DIAPH3: variants seen among roughly 807,000 people sequenced by gnomAD.
DIAPH3 encodes protein diaphanous homolog 3.
In DIAPH3, 117 loss-of-function variants were observed where a neutral mutation model predicts 144.3. The ratio of observed to expected loss-of-function variants is 0.81; its 90% confidence interval spans 0.70 to 0.95. The LOEUF is 0.95. Among genes scored for constraint, DIAPH3 ranks in the 40% least tolerant of loss-of-function variants. The pLI is 0.00. For synonymous variants in DIAPH3, 519 were observed against 488.9 expected, an observed-to-expected ratio of 1.06 and a Z score of -0.81; for missense variants, 1,421 against 1,412.7, an observed-to-expected ratio of 1.01 and a Z score of -0.09.
intron 5 of DIAPH3, among the ~76,000 whole-genome samples, chr13:60,040,771 T>C (rs895012841): frequency 6.6e-6 from 1 of 152,060 alleles, no homozygotes; most frequent in Non-Finnish European, 1.5e-5. Flanking sequence ...ACGATGTGAA[T>C]CTGCTTTGTT....
chr13:60,149,921 G>A (rs1951707150), intron 1 of DIAPH3, among the ~76,000 whole-genome samples: 1 of 152,120 alleles, frequency 6.6e-6, no homozygotes, highest in Non-Finnish European at 1.5e-5. Flanking sequence ...TGGTGGGGAG[G>A]GGGACCTTAA....
chr13:59,827,101 C>T (rs1321925383), intron 24 of DIAPH3, among the ~76,000 whole-genome samples: 1 of 152,130 alleles, frequency 6.6e-6, no homozygotes, highest in African/African-American at 2.4e-5. Flanking sequence ...CTAGGCATTA[C>T]CATTCACGAC....
chr13:60,150,826 T>G (rs781108274), intron 1 of DIAPH3, among the ~76,000 whole-genome samples: 1 of 152,032 alleles, frequency 6.6e-6, no homozygotes. Context: ...CTACCTTATG[T>G]GAGGTGTGAG....
chr13:59,803,857 C>A (rs2040063567), intron 25 of DIAPH3, among the ~76,000 whole-genome samples: 1 of 152,154 alleles, frequency 6.6e-6, no homozygotes, highest in South Asian at 2.1e-4. Context: ...AATTTCCCAC[C>A]AGACATTGCT....
At chr13:59,889,824 T>A (rs986250181) in intron 20 of DIAPH3, among the ~76,000 whole-genome samples, 1 of 151,882 alleles carries the variant, frequency 6.6e-6, no homozygotes, top group Admixed American at 6.6e-5. Context: ...TGTAGCTCTC[T>A]GGAAAGTAAG....
intron 12 of DIAPH3, among the ~76,000 whole-genome samples, chr13:59,988,494 TTCATCTATAA>T (rs2051583131): frequency 6.6e-6 from 1 of 151,864 alleles, no homozygotes; most frequent in African/African-American, 2.4e-5. Flanking sequence ...CAATTATGAG[TTCATCTATAA>T]TGTGGCTGAA....
At chr13:59,746,365 A>C (rs2036703587) in intron 27 of DIAPH3, among the ~76,000 whole-genome samples, 1 of 151,496 alleles carries the variant, frequency 6.6e-6, no homozygotes. Context: ...CTGAGATTAC[A>C]GCTGTGCGCC....
chr13:59,876,110 T>C (rs2044611099), intron 21 of DIAPH3, among the ~76,000 whole-genome samples: 1 of 152,204 alleles, frequency 6.6e-6, no homozygotes, highest in Non-Finnish European at 1.5e-5. Flanking sequence ...ATTAAAATAC[T>C]TCCTTGTCTT....
chr13:60,059,690 T>TG (rs2056691308), intron 4 of DIAPH3, among the ~76,000 whole-genome samples: 1 of 151,310 alleles, frequency 6.6e-6, no homozygotes, highest in East Asian at 2.0e-4. Flanking sequence ...AGCTCAAAGT[T>TG]GGGGGGTGGG....
chr13:60,106,823 AT>A (rs2058432854), intron 3 of DIAPH3, among the ~76,000 whole-genome samples: 2 of 152,188 alleles, frequency 1.3e-5, no homozygotes, highest in African/African-American at 4.8e-5. Flanking sequence ...AGTATGAGAT[AT>A]GCTGTTTACA....
intron 12 of DIAPH3, among the ~76,000 whole-genome samples, chr13:59,989,240 G>A (rs1057361106): frequency 1.3e-5 from 2 of 151,316 alleles, no homozygotes; most frequent in African/African-American, 2.4e-5. Flanking sequence ...ACTCATAGAC[G>A]TGTACACCAA....
intron 4 of DIAPH3, among the ~76,000 whole-genome samples, chr13:60,062,215 A>G (rs1192483212): frequency 6.6e-6 from 1 of 152,226 alleles, no homozygotes; most frequent in African/African-American, 2.4e-5. Context: ...AACATTTTAA[A>G]AAATTTTTGT....
chr13:59,817,614 T>C lies in DIAPH3; in HGVS notation c.3028-6691A>G, dbSNP rs890322192. On this transcript the variant is annotated intron_variant, in intron 24 of 27. Transcript: ENST00000400324. ...ACCAGATTTTATTTTTTATACGATA[T>C]TACAGTCCTTTAAAAAATTTATTGT... 2.0e-5 allele frequency among the ~76,000 whole-genome samples: 3 copies of C among 151,960 alleles called. 1 individual carries two copies. The highest frequency in any genetic ancestry group is 4.4e-5 in the Non-Finnish European group (3 of 67,854).
intron 1 of DIAPH3, among the ~76,000 whole-genome samples, chr13:60,161,107 G>A (rs559955462): frequency 3.9e-5 from 6 of 152,270 alleles, no homozygotes; most frequent in African/African-American, 1.4e-4. Flanking sequence ...GCAGAAGTGT[G>A]CAAAACACTG....
Position 59,813,141 on chromosome 13 carries a change from TA to T in DIAPH3, c.3028-2219del, listed in dbSNP as rs761714899. ...CTGTGGGAGTACGGGCGCAGAAACC[TA>T]AAAAAAAAAAAAAGTTTAATCTGGC... On this transcript the variant is annotated intron_variant, in intron 24 of 27. Transcript: ENST00000400324. Among the ~76,000 whole-genome samples, 840 of 135,800 alleles carry T rather than the reference TA, an allele frequency of 6.2e-3. 2 individuals are homozygous for T. Among genetic ancestry groups the T allele is most frequent in the African/African-American group, 0.01 (384 of 37,096 alleles). 89.1% of individuals were successfully genotyped at this position (135,800 alleles called of 152,430 possible). A position where few individuals can be genotyped will look rare whatever the true frequency, so the allele number is the denominator to read the frequency against.
intron 27 of DIAPH3, among the ~76,000 whole-genome samples, chr13:59,692,649 G>C (rs936291238): frequency 3.3e-5 from 5 of 152,054 alleles, no homozygotes; most frequent in South Asian, 2.1e-4. Flanking sequence ...CAGTGAAATA[G>C]TCAGGGTACA....
chr13:60,148,767 T>C (rs1030390093), intron 1 of DIAPH3, among the ~76,000 whole-genome samples: 2 of 152,308 alleles, frequency 1.3e-5, no homozygotes, highest in South Asian at 2.1e-4. Context: ...TTGATCTGCC[T>C]GGGCAACAGA....
chr13:59,943,524 T>C (rs1472680897), intron 17 of DIAPH3, among the ~76,000 whole-genome samples: 1 of 152,188 alleles, frequency 6.6e-6, no homozygotes, highest in Non-Finnish European at 1.5e-5. Context: ...TCTTAATCTA[T>C]TTCGTTCATT....
intron 22 of DIAPH3, among the ~76,000 whole-genome samples, chr13:59,844,107 A>T (rs1198062880): frequency 1.4e-4 from 4 of 28,134 alleles, no homozygotes; most frequent in Non-Finnish European, 5.1e-4. Context: ...CCAGAACTTA[A>T]AAAAAAAAAA....
Sources: allele counts gnomAD v4.1 joint callset (sites outside exome capture counted in the v4.1 genomes callset), GRCh38; gene constraint gnomAD v4.1.1; transcripts MANE v1.5; gene names NCBI Gene and HGNC (gene_info 2026-07-23, HGNC 2026-07-21).